Variants in GRIN2A observed in about 807,000 individuals in gnomAD.
GRIN2A encodes glutamate ionotropic receptor NMDA type subunit 2A.
Under a neutral mutation model 113.4 loss-of-function variants are expected in GRIN2A, and 22 were observed. That is an observed-to-expected ratio of 0.19 (90% CI 0.14 to 0.28). The LOEUF is 0.28. Among genes scored for constraint, GRIN2A ranks in the 10% least tolerant of loss-of-function variants. GRIN2A has a pLI of 1.00. For synonymous variants in GRIN2A, 827 were observed against 738.4 expected, an observed-to-expected ratio of 1.12 and a Z score of -1.94; for missense variants, 1,502 against 1,887.0, an observed-to-expected ratio of 0.80 and a Z score of 3.78.
intron 2 of GRIN2A, among the ~76,000 whole-genome samples, chr16:9,986,175 A>T (rs17670544): frequency 0.084 from 12,754 of 152,204 alleles, 624 homozygotes; most frequent in Non-Finnish European, 0.1. Flanking sequence ...GAGATAAGAA[A>T]GGAAATCTGT....
intron 2 of GRIN2A, among the ~76,000 whole-genome samples, chr16:10,168,059 T>C (rs189065510): frequency 4.1e-4 from 63 of 152,330 alleles, no homozygotes; most frequent in African/African-American, 1.5e-3. Context: ...TAAGTAATAA[T>C]GATTAACCTG....
chr16:9,968,262 TTGTA>T (rs71157795), intron 2 of GRIN2A, among the ~76,000 whole-genome samples: 8,764 of 150,170 alleles, frequency 0.058, 468 homozygotes, highest in African/African-American at 0.15. Context: ...CTCTATTGAC[TTGTA>T]TGTATGTATG....
chr16:9,864,527 A>G (rs1487420447), intron 4 of GRIN2A, among the ~76,000 whole-genome samples: 1 of 152,196 alleles, frequency 6.6e-6, no homozygotes, highest in East Asian at 1.9e-4. Context: ...ATTAAACTGC[A>G]GGCTAAGGAA....
At chr16:9,779,856 C>A (rs760914523) in intron 11 of GRIN2A, among the ~76,000 whole-genome samples, 2 of 152,186 alleles carry the variant, frequency 1.3e-5, no homozygotes, top group African/African-American at 4.8e-5. Flanking sequence ...TGGAAGAGCA[C>A]ATGCGGGTGG....
chr16:9,969,396 GCT>G (rs1167887225), intron 2 of GRIN2A, among the ~76,000 whole-genome samples: 1 of 152,084 alleles, frequency 6.6e-6, no homozygotes, highest in East Asian at 1.9e-4. Context: ...GTTCCCCAAG[GCT>G]CTGTGTTGCA....
At chr16:9,843,103 TAAAG>T (rs1170445237) in intron 5 of GRIN2A, among the ~76,000 whole-genome samples, 1 of 144,514 alleles carries the variant, frequency 6.9e-6, no homozygotes, top group Non-Finnish European at 1.5e-5. Flanking sequence ...GAGAAAGAAA[TAAAG>T]GAGGAAACGA....
chr16:9,989,757 A>G (rs1248262901), intron 2 of GRIN2A, among the ~76,000 whole-genome samples: 1 of 152,214 alleles, frequency 6.6e-6, no homozygotes, highest in African/African-American at 2.4e-5. Context: ...GAAGACATAC[A>G]TACAGTGGTC....
At chr16:9,965,823 A>G (rs1204970478) in intron 2 of GRIN2A, among the ~76,000 whole-genome samples, 1 of 152,184 alleles carries the variant, frequency 6.6e-6, no homozygotes, top group Non-Finnish European at 1.5e-5. Flanking sequence ...GCCCCAAAAC[A>G]CAGCCAAGCC....
At chr16:9,903,476 T>A (rs1367398117) in intron 3 of GRIN2A, among the ~76,000 whole-genome samples, 4 of 152,166 alleles carry the variant, frequency 2.6e-5, no homozygotes, top group African/African-American at 9.7e-5. Context: ...AAGGGATACC[T>A]TAATCTCCAC....
intron 2 of GRIN2A, among the ~76,000 whole-genome samples, chr16:9,967,596 T>G (rs373908054): frequency 6.6e-6 from 1 of 152,100 alleles, no homozygotes; most frequent in African/African-American, 2.4e-5. Flanking sequence ...TCTCAGCTAC[T>G]TGGGGAGGCT....
chr16:10,137,456 C>A (rs948822321), intron 2 of GRIN2A, among the ~76,000 whole-genome samples: 12 of 152,288 alleles, frequency 7.9e-5, no homozygotes, highest in African/African-American at 2.9e-4. Flanking sequence ...CTGCAATGAC[C>A]TAATGCTTTC....
At chr16:9,850,956 G>A (rs995398009) in intron 4 of GRIN2A, among the ~76,000 whole-genome samples, 2 of 152,120 alleles carry the variant, frequency 1.3e-5, no homozygotes, top group Admixed American at 1.3e-4. Flanking sequence ...GCCATTGCTT[G>A]ACACCACAGG....
intron 3 of GRIN2A, among the ~76,000 whole-genome samples, chr16:9,892,141 G>T (rs756459855): frequency 2.0e-5 from 3 of 152,144 alleles, no homozygotes; most frequent in Non-Finnish European, 2.9e-5. Flanking sequence ...TGAGGCAGGA[G>T]AATTGCTTGA....
intron 5 of GRIN2A, among the ~76,000 whole-genome samples, chr16:9,846,000 C>T (rs1259398903): frequency 2.6e-5 from 4 of 152,232 alleles, no homozygotes; most frequent in Non-Finnish European, 5.9e-5. Context: ...AATGCACATT[C>T]ATTCATTCTG....
chr16:9,792,987 A>C (rs1379345345), intron 11 of GRIN2A, among the ~76,000 whole-genome samples: 1 of 152,152 alleles, frequency 6.6e-6, no homozygotes, highest in African/African-American at 2.4e-5. Context: ...CTTGTTAGAA[A>C]TGCTGGGTCT....
At chr16:9,995,481 G>C (rs993103231) in intron 2 of GRIN2A, among the ~76,000 whole-genome samples, 8 of 152,266 alleles carry the variant, frequency 5.3e-5, no homozygotes, top group African/African-American at 1.9e-4. Context: ...TGGTGTTTTG[G>C]TCAAGATATT....
intron 2 of GRIN2A, among the ~76,000 whole-genome samples, chr16:10,019,755 C>A (rs1037329170): frequency 2.0e-5 from 3 of 152,202 alleles, no homozygotes; most frequent in Non-Finnish European, 2.9e-5. Flanking sequence ...CTGGATTCAT[C>A]TTACACTGAC....
intron 2 of GRIN2A, among the ~76,000 whole-genome samples, chr16:10,036,151 C>T (rs28662091): frequency 0.015 from 2,337 of 152,312 alleles, 65 homozygotes; most frequent in African/African-American, 0.053. Flanking sequence ...TTCTGAAATT[C>T]ACCAGGACTT....
At position 9,945,212 on chromosome 16, in the gene GRIN2A, T is replaced by C. The variant is rs928477512; in HGVS notation, c.415-6661A>G. ...GAATAATTTCAAGGAAATCAAATGA[T>C]GTCATAGTTCAGGAGTGGGGTGGAG... On this transcript the variant is annotated intron_variant, in intron 2 of 12. Coordinates refer to ENST00000330684, the MANE Select transcript of GRIN2A (RefSeq NM_001134407.3). 2.0e-5 allele frequency among the ~76,000 whole-genome samples: 3 copies of C among 152,056 alleles called. No homozygotes were observed. The East Asian group carries it at 5.8e-4, about 29-fold the overall frequency.
Sources: allele counts gnomAD v4.1 joint callset (sites outside exome capture counted in the v4.1 genomes callset), GRCh38; gene constraint gnomAD v4.1.1; transcripts MANE v1.5; gene names NCBI Gene and HGNC (gene_info 2026-07-23, HGNC 2026-07-21).